The following IL1RAPL2 variants were observed in gnomAD, a reference collection of about 807,000 sequenced individuals.
IL1RAPL2 encodes interleukin 1 receptor accessory protein like 2.
A neutral mutation model predicts 44.1 loss-of-function variants in IL1RAPL2; 3 were observed. The ratio of observed to expected loss-of-function variants is 0.07; its 90% confidence interval spans 0.03 to 0.18. The LOEUF (loss-of-function observed/expected upper bound fraction) is 0.18, where lower values mean the gene tolerates loss of function less well. IL1RAPL2 is among the 10% of genes least tolerant of loss of function. The pLI, the probability that IL1RAPL2 is intolerant of heterozygous loss-of-function variation, is 1.00. For missense variants in IL1RAPL2, 391 were observed against 496.4 expected (o/e 0.79, Z 2.02); for synonymous variants, 181 against 178.8 (o/e 1.01, Z -0.10).
At chrX:104,709,845 A>G (rs1442391377) in intron 2 of IL1RAPL2, among the ~76,000 whole-genome samples, 1 of 111,081 alleles carries the variant, frequency 9.0e-6, no homozygotes, top group African/African-American at 3.3e-5. Context: ...AGCAATGGTC[A>G]TTGTTTCAAA....
chrX:105,477,612 C>T (rs948504805), intron 5 of IL1RAPL2, among the ~76,000 whole-genome samples: 12 of 112,047 alleles, frequency 1.1e-4, no homozygotes, highest in African/African-American at 3.9e-4. Context: ...TTCATGATTA[C>T]AGGAAATTTT....
chrX:104,676,719 C>T (rs1363908169), intron 2 of IL1RAPL2, among the ~76,000 whole-genome samples: 1 of 111,996 alleles, frequency 8.9e-6, no homozygotes, highest in Non-Finnish European at 1.9e-5. Flanking sequence ...CCATTCTCCC[C>T]GTCACTTTCA....
chrX:104,625,600 G>A (rs1389180882), intron 1 of IL1RAPL2, among the ~76,000 whole-genome samples: 1 of 111,512 alleles, frequency 9.0e-6, no homozygotes, highest in Non-Finnish European at 1.9e-5. Context: ...AGGCTCAGAA[G>A]AAAGCCATAA....
chrX:105,372,561 G>C (rs755947666), intron 5 of IL1RAPL2, among the ~76,000 whole-genome samples: 1 of 111,051 alleles, frequency 9.0e-6, no homozygotes, highest in Non-Finnish European at 1.9e-5. Flanking sequence ...TTTGTTGTAC[G>C]GATTATTTCT....
chrX:105,712,597 A>T (rs1247380919), intron 6 of IL1RAPL2, among the ~76,000 whole-genome samples: 3 of 111,203 alleles, frequency 2.7e-5, no homozygotes, highest in Non-Finnish European at 5.7e-5. Flanking sequence ...TGCCACTTTT[A>T]AAACCATCAG....
rs28533100 is a variant in IL1RAPL2 at position 105,323,578 on chromosome X, T to C, written c.697+56037T>C. ...ATATTCTATATAGCACTATATTGGG[T>C]CAAAAATAAGCTCTCAGCCAGGCGC... is the stretch of plus-strand genomic sequence containing the variant. On this transcript the variant is annotated intron_variant, in intron 5 of 10. Transcript: ENST00000372582. Among the ~76,000 whole-genome samples, 544 of 111,242 alleles carry C rather than the reference T, an allele frequency of 4.9e-3. 5 individuals carry two copies. Among genetic ancestry groups the C allele is most frequent in the African/African-American group, 0.017 (523 of 30,612 alleles).
At chrX:104,607,246 G>T (rs1469551994) in intron 1 of IL1RAPL2, among the ~76,000 whole-genome samples, 14 of 112,029 alleles carry the variant, frequency 1.2e-4, no homozygotes, top group African/African-American at 4.5e-4. Context: ...ACTCAAGATG[G>T]GTTAAAGACT....
intron 4 of IL1RAPL2, among the ~76,000 whole-genome samples, chrX:105,235,647 A>G (rs1392621248): frequency 2.5e-4 from 28 of 112,263 alleles, no homozygotes; most frequent in Admixed American, 2.5e-3. Flanking sequence ...TGTGACAGAT[A>G]AAAAGGAACA....
rs1444904718 is a variant in IL1RAPL2 at position 105,214,755 on chromosome X, A to G, written c.356+19007A>G. ...AACACTCCCTAGCAAATGCAAAAGA[A>G]TGGAAATCATAACAGTCTCTCGGAC... On this transcript the variant is annotated intron_variant, in intron 3 of 10. Coordinates refer to ENST00000372582, the MANE Select transcript of IL1RAPL2 (RefSeq NM_017416.2). Among the ~76,000 whole-genome samples the G allele has an allele frequency of 3.6e-5, 4 of 112,158 alleles. No individual in the cohort carries two copies. In the Admixed American group the frequency reaches 3.8e-4, roughly 11 times the overall value.
intron 6 of IL1RAPL2, among the ~76,000 whole-genome samples, chrX:105,679,784 A>T (rs1302765925): frequency 8.9e-6 from 1 of 111,770 alleles, no homozygotes; most frequent in Non-Finnish European, 1.9e-5. Context: ...TATCTTGATC[A>T]AAAAATAAGA....
At position 104,910,022 on chromosome X, in the gene IL1RAPL2, C is replaced by T. The variant is rs1481590042; in HGVS notation, c.82+251027C>T. Among the ~76,000 whole-genome samples the T allele has an allele frequency of 3.5e-5, 4 of 112,680 alleles. No individual in the cohort carries two copies. In the South Asian group the frequency reaches 1.5e-3, roughly 41 times the overall value. ...TCAGCGAGACTCCGTGGTTGTAGGA[C>T]CCTCCGAGCCAGGTGGGGAATATAA... On this transcript the variant is annotated intron_variant, in intron 2 of 10. Transcript: ENST00000372582.
At position 105,127,890 on chromosome X, in the gene IL1RAPL2, A is replaced by G. The variant is rs6652914; in HGVS notation, c.83-67585A>G. Among the ~76,000 whole-genome samples the G allele has an allele frequency of 5.7e-3, 640 of 111,403 alleles. 3 individuals are homozygous for G. Among genetic ancestry groups the G allele is most frequent in the African/African-American group, 0.019 (582 of 30,820 alleles). On this transcript the variant is annotated intron_variant, in intron 2 of 10. Coordinates refer to ENST00000372582, the MANE Select transcript of IL1RAPL2 (RefSeq NM_017416.2). ...ATTTTAAAATAGGTAAGCAAAAACT[A>G]CAAATAGAAAACAGCCAGAGTATAC...
chrX:105,545,621 TA>T (rs1316599467), intron 6 of IL1RAPL2, among the ~76,000 whole-genome samples: 10 of 112,295 alleles, frequency 8.9e-5, no homozygotes, highest in African/African-American at 3.2e-4. Flanking sequence ...TTTGAATATG[TA>T]ATTCTAGCCT....
chrX:104,693,492 G>A (rs1931128665), intron 2 of IL1RAPL2, among the ~76,000 whole-genome samples: 1 of 111,796 alleles, frequency 8.9e-6, no homozygotes, highest in Non-Finnish European at 1.9e-5. Context: ...AAAGGCACTT[G>A]TCAAGCACTG....
intron 6 of IL1RAPL2, among the ~76,000 whole-genome samples, chrX:105,647,416 C>A (rs1259684393): frequency 8.9e-6 from 1 of 112,067 alleles, no homozygotes; most frequent in Non-Finnish European, 1.9e-5. Context: ...ATATCCCGAT[C>A]ATTGTCCCTC....
chrX:105,161,873 A>T (rs144773524), intron 2 of IL1RAPL2, among the ~76,000 whole-genome samples: 1,638 of 111,989 alleles, frequency 0.015, 31 homozygotes, highest in African/African-American at 0.049. Flanking sequence ...ATGGCATAAG[A>T]TACTTTTCCT....
intron 5 of IL1RAPL2, among the ~76,000 whole-genome samples, chrX:105,329,529 A>C (rs2034969226): frequency 8.9e-6 from 1 of 112,201 alleles, no homozygotes; most frequent in South Asian, 3.6e-4. Context: ...CATTGAGCTA[A>C]GCAACTGTTT....
At chrX:105,314,480 C>T (rs762294907) in intron 5 of IL1RAPL2, among the ~76,000 whole-genome samples, 2 of 111,785 alleles carry the variant, frequency 1.8e-5, no homozygotes, top group South Asian at 3.7e-4. Context: ...CAGACTGTGT[C>T]GGATCACACC....
chrX:105,265,208 C>T (rs1008645820), intron 4 of IL1RAPL2, among the ~76,000 whole-genome samples: 2 of 112,067 alleles, frequency 1.8e-5, no homozygotes, highest in African/African-American at 6.5e-5. Flanking sequence ...CCACCCCCAC[C>T]ACTGTTGTGT....
Sources: allele counts gnomAD v4.1 joint callset (sites outside exome capture counted in the v4.1 genomes callset), GRCh38; gene constraint gnomAD v4.1.1; transcripts MANE v1.5; gene names NCBI Gene and HGNC (gene_info 2026-07-23, HGNC 2026-07-21).